CFDP1: variants seen among roughly 807,000 people sequenced by gnomAD.
CFDP1 encodes the protein chromatin remodeling protein CFDP1, also known as heterochromatin-stabilizing protein CFDP1.
A neutral mutation model predicts 40.1 loss-of-function variants in CFDP1; 31 were observed. The ratio of observed to expected loss-of-function variants is 0.77; its 90% CI spans 0.58 to 1.04. CFDP1 has a LOEUF of 1.04. Ranked by LOEUF, CFDP1 falls within the 50% of genes least tolerant of loss-of-function variation. The pLI, the probability that CFDP1 is intolerant of heterozygous loss-of-function variation, is 0.00. For synonymous variants in CFDP1, 167 were observed against 120.0 expected (o/e 1.39, Z -2.56); for missense variants, 423 against 343.4 (o/e 1.23, Z -1.83).
intron 5 of CFDP1, among the ~76,000 whole-genome samples, chr16:75,324,203 G>C (rs2078387179): frequency 6.6e-6 from 1 of 152,154 alleles, no homozygotes. Context: ...AAGAGTCTGA[G>C]ATGGGGAAAG....
At chr16:75,377,908 C>T (rs943536331) in intron 5 of CFDP1, among the ~76,000 whole-genome samples, 1 of 152,242 alleles carries the variant, frequency 6.6e-6, no homozygotes. Context: ...CTATTTCACG[C>T]AGCAACTTCG....
intron 5 of CFDP1, among the ~76,000 whole-genome samples, chr16:75,334,229 A>C (rs1457501848): frequency 6.6e-6 from 1 of 151,672 alleles, no homozygotes; most frequent in Non-Finnish European, 1.5e-5. Flanking sequence ...CCCTAACCCT[A>C]ACCCTAACCC....
chr16:75,312,470 C>T (rs1019397889), intron 5 of CFDP1, among the ~76,000 whole-genome samples: 9 of 151,896 alleles, frequency 5.9e-5, no homozygotes, highest in African/African-American at 1.7e-4. Flanking sequence ...ACAGCTTTAC[C>T]TTTTTTTTAT....
At chr16:75,338,966 A>AT (rs2078509057) in intron 5 of CFDP1, among the ~76,000 whole-genome samples, 1 of 152,152 alleles carries the variant, frequency 6.6e-6, no homozygotes, top group Non-Finnish European at 1.5e-5. Context: ...TATGTGTACA[A>AT]TTTGAGTCTT....
In CFDP1 at chr16:75,313,378, G is replaced by A. The variant is rs548979917; in HGVS notation, c.651-8196C>T. Among the ~76,000 whole-genome samples, 9 of 152,316 alleles carry A rather than the reference G, an allele frequency of 5.9e-5. No individual in the cohort carries two copies. The East Asian group carries it at 1.7e-3, about 29-fold the overall frequency. On this transcript the variant is annotated intron_variant, in intron 5 of 6. Transcript: ENST00000283882. Reference sequence around the variant, plus strand: ...AGGGTCTCGCTCTGTCACCCAGGCTGGAGTGCAGTGGCGTGGTCTCGGCTC... The same window carrying A: ...AGGGTCTCGCTCTGTCACCCAGGCTAGAGTGCAGTGGCGTGGTCTCGGCTC...
chr16:75,396,473 A>T (rs1274372692), intron 4 of CFDP1, among the ~76,000 whole-genome samples: 1 of 103,628 alleles, frequency 9.6e-6, no homozygotes, highest in African/African-American at 2.9e-5. Context: ...CAGGAGGTGG[A>T]GGTTGCAGTG....
chr16:75,410,768 G>A (rs894007686), intron 4 of CFDP1, among the ~76,000 whole-genome samples: 3 of 151,748 alleles, frequency 2.0e-5, no homozygotes, highest in African/African-American at 4.8e-5. Flanking sequence ...AATTAGCCGG[G>A]CATGGTGGTG....
chr16:75,385,075 G>C (rs1232295534), intron 5 of CFDP1, among the ~76,000 whole-genome samples: 3 of 151,012 alleles, frequency 2.0e-5, no homozygotes. Context: ...AGAGTAAATA[G>C]ATTAGAAATT....
At chr16:75,417,991 T>C (rs1463204653) in intron 1 of CFDP1, among the ~76,000 whole-genome samples, 1 of 152,022 alleles carries the variant, frequency 6.6e-6, no homozygotes, top group Admixed American at 6.6e-5. Flanking sequence ...CGGTGGCTCA[T>C]GTCTGTAATC....
chr16:75,398,542 C>G (rs1410638703), intron 4 of CFDP1, among the ~76,000 whole-genome samples: 1 of 152,168 alleles, frequency 6.6e-6, no homozygotes. Context: ...GGCATGCTTC[C>G]ACCTGGCATG....
chr16:75,310,472 G>C lies in CFDP1; in HGVS notation c.651-5290C>G, dbSNP rs147624476. On this transcript the variant is annotated intron_variant, in intron 5 of 6. Coordinates refer to ENST00000283882, the MANE Select transcript of CFDP1 (RefSeq NM_006324.3). ...GACAAGTCATCTTTTTCTTTTCTAG[G>C]TTCAAAGTTTATAATGATAATTTTC... Among the ~76,000 whole-genome samples, 235 of 152,220 alleles carry C rather than the reference G, an allele frequency of 1.5e-3. 2 individuals carry two copies. The highest frequency in any genetic ancestry group is 5.4e-3 in the African/African-American group (223 of 41,522).
intron 5 of CFDP1, among the ~76,000 whole-genome samples, chr16:75,360,936 C>T (rs1334246514): frequency 6.6e-6 from 1 of 152,136 alleles, no homozygotes; most frequent in African/African-American, 2.4e-5. Context: ...TCTTCCACAC[C>T]ATCTCTAGAA....
At chr16:75,324,270 G>A (rs1011689336) in intron 5 of CFDP1, among the ~76,000 whole-genome samples, 1 of 152,124 alleles carries the variant, frequency 6.6e-6, no homozygotes, top group Non-Finnish European at 1.5e-5. Context: ...GAATTTGCCA[G>A]GGGGACGAGC....
intron 1 of CFDP1, among the ~76,000 whole-genome samples, chr16:75,422,553 C>A (rs911481276): frequency 2.6e-5 from 4 of 151,878 alleles, no homozygotes; most frequent in African/African-American, 9.7e-5. Context: ...CACCACCACT[C>A]CCAGCTGATT....
At chr16:75,408,196 T>C (rs1478085189) in intron 4 of CFDP1, among the ~76,000 whole-genome samples, 1 of 152,016 alleles carries the variant, frequency 6.6e-6, no homozygotes, top group Non-Finnish European at 1.5e-5. Context: ...TTTATCCAGA[T>C]TCATTGCAGA....
Position 75,349,698 on chromosome 16 carries a change from T to TATATATATATATATATATATATATACAC in CFDP1, c.651-44517_651-44516insGTGTATATATATATATATATATATATAT, listed in dbSNP as rs146824267. On this transcript the variant is annotated intron_variant, in intron 5 of 6. Transcript: ENST00000283882. Reference sequence around the variant, plus strand: ...AAAAAAAAAAAAAAAAAAATATATATACATACATATATACGGTTGATTTTT... The same window carrying TATATATATATATATATATATATATACAC: ...AAAAAAAAAAAAAAAAAAATATATATATATATATATATATATATATATATACACACATACATATATACGGTTGATTTTT... Among the ~76,000 whole-genome samples the TATATATATATATATATATATATATACAC allele has an allele frequency of 1.7e-3, 80 of 47,878 alleles. 1 individual carries two copies. Among genetic ancestry groups the TATATATATATATATATATATATATACAC allele is most frequent in the Non-Finnish European group, 2.0e-3 (57 of 28,278 alleles). 31.4% of individuals were successfully genotyped at this position (47,878 alleles called of 152,430 possible).
At chr16:75,390,056 T>C (rs1167543072) in intron 5 of CFDP1, among the ~76,000 whole-genome samples, 3 of 152,238 alleles carry the variant, frequency 2.0e-5, no homozygotes, top group South Asian at 4.1e-4. Context: ...CCTTGTAATG[T>C]GTTATGTTCC....
chr16:75,421,441 A>G (rs921304056), intron 1 of CFDP1, among the ~76,000 whole-genome samples: 8 of 152,146 alleles, frequency 5.3e-5, no homozygotes, highest in African/African-American at 1.9e-4. Flanking sequence ...ATCAAATTCC[A>G]TGCAGTTACT....
chr16:75,324,795 A>G (rs2078391430), intron 5 of CFDP1: 1 of 151,112 alleles, frequency 6.6e-6, no homozygotes, highest in South Asian at 2.1e-4. Flanking sequence ...TGGAGCTGGG[A>G]CTCAGAAGTT....
Sources: gnomAD v4.1 joint callset for allele counts (sites outside exome capture counted in the v4.1 genomes callset) on GRCh38, gnomAD v4.1.1 for gene constraint, MANE v1.5 for transcripts, NCBI Gene and HGNC (gene_info 2026-07-23, HGNC 2026-07-21) for gene names.